DPP10: variants seen among roughly 807,000 people sequenced by gnomAD.
DPP10 encodes the protein inactive dipeptidyl peptidase 10.
DPP10 carries 33 observed loss-of-function variants against 120.9 expected under a neutral mutation model. That is an observed-to-expected ratio of 0.27 (90% CI 0.21 to 0.37). The LOEUF (loss-of-function observed/expected upper bound fraction) is 0.37. Among genes scored for constraint, DPP10 ranks in the 10% least tolerant of loss-of-function variants. The pLI, the probability that DPP10 is intolerant of heterozygous loss-of-function variation, is 1.00. For synonymous variants in DPP10, 337 were observed against 326.1 expected, an observed-to-expected ratio of 1.03 and a Z score of -0.36; for missense variants, 816 against 942.8, an observed-to-expected ratio of 0.87 and a Z score of 1.76.
intron 1 of DPP10, among the ~76,000 whole-genome samples, chr2:115,223,155 G>T (rs2105431696): frequency 6.6e-6 from 1 of 152,060 alleles, no homozygotes; most frequent in African/African-American, 2.4e-5. Context: ...CCAATGTGAA[G>T]GTATTAACAA....
intron 1 of DPP10, among the ~76,000 whole-genome samples, chr2:114,814,379 T>C (rs1210876240): frequency 2.6e-5 from 4 of 151,960 alleles, no homozygotes; most frequent in Non-Finnish European, 5.9e-5. Context: ...CATCTCTTCA[T>C]CTTTCTGGAT....
chr2:114,605,401 A>AAACCTTCATGTTGTTCC (rs1193766988), intron 1 of DPP10, among the ~76,000 whole-genome samples: 2 of 152,106 alleles, frequency 1.3e-5, no homozygotes, highest in Non-Finnish European at 2.9e-5. Context: ...ACAAGAATGA[A>AAACCTTCATGTTGTTCC]AACCTTCATG....
intron 1 of DPP10, among the ~76,000 whole-genome samples, chr2:114,495,792 A>C (rs1682461324): frequency 6.6e-6 from 1 of 152,186 alleles, no homozygotes; most frequent in African/African-American, 2.4e-5. Context: ...GTGTCTAGAT[A>C]GACTAAAGTT....
chr2:115,769,216 C>G (rs1353906777), intron 13 of DPP10, among the ~76,000 whole-genome samples: 1 of 152,010 alleles, frequency 6.6e-6, no homozygotes, highest in Non-Finnish European at 1.5e-5. Flanking sequence ...TGTGGCTAAA[C>G]TGGGATCTTC....
chr2:115,715,293 C>G, intron 7 of DPP10, among the ~76,000 whole-genome samples: 1 of 131,952 alleles, frequency 7.6e-6, no homozygotes, highest in East Asian at 2.5e-4. Context: ...GAGCCGAGAT[C>G]GCGCCAATGC....
chr2:115,331,999 G>T (rs946156062), intron 2 of DPP10, among the ~76,000 whole-genome samples: 2 of 152,138 alleles, frequency 1.3e-5, no homozygotes, highest in Non-Finnish European at 2.9e-5. Context: ...AGAGGGAATG[G>T]TACCAGCTTC....
intron 1 of DPP10, among the ~76,000 whole-genome samples, chr2:114,756,892 G>T (rs1036634143): frequency 6.6e-6 from 1 of 152,062 alleles, no homozygotes; most frequent in Non-Finnish European, 1.5e-5. Context: ...TAGCAAAAGA[G>T]TTAAGGAAGC....
At chr2:115,480,883 C>G (rs1326085628) in intron 3 of DPP10, among the ~76,000 whole-genome samples, 1 of 152,082 alleles carries the variant, frequency 6.6e-6, no homozygotes, top group Non-Finnish European at 1.5e-5. Flanking sequence ...CTTGGAGAAG[C>G]AAAGAAAAGC....
intron 1 of DPP10, among the ~76,000 whole-genome samples, chr2:114,972,536 G>T (rs1699465899): frequency 6.6e-6 from 1 of 151,938 alleles, no homozygotes; most frequent in Non-Finnish European, 1.5e-5. Context: ...CTAGAAACAG[G>T]GTGGATCTCA....
chr2:114,493,316 C>T (rs901817498), intron 1 of DPP10, among the ~76,000 whole-genome samples: 5 of 151,970 alleles, frequency 3.3e-5, no homozygotes, highest in African/African-American at 1.2e-4. Context: ...GGCCAGAGAG[C>T]GGGAAGTGAG....
At chr2:115,275,461 T>C (rs994790983) in intron 1 of DPP10, among the ~76,000 whole-genome samples, 2 of 152,086 alleles carry the variant, frequency 1.3e-5, no homozygotes, top group African/African-American at 4.8e-5. Context: ...CTTTGAGGGG[T>C]AGTATCATTA....
chr2:114,640,880 C>T (rs1468273135), intron 1 of DPP10, among the ~76,000 whole-genome samples: 1 of 151,896 alleles, frequency 6.6e-6, no homozygotes, highest in African/African-American at 2.4e-5. Flanking sequence ...GGAGGTTTCC[C>T]TCGGTCCCAG....
intron 1 of DPP10, among the ~76,000 whole-genome samples, chr2:114,777,037 C>T (rs985572230): frequency 5.9e-5 from 9 of 151,906 alleles, no homozygotes; most frequent in East Asian, 3.9e-4. Flanking sequence ...ATAATATATA[C>T]ATTATATAGT....
At chr2:114,635,507 A>T (rs1365306553) in intron 1 of DPP10, among the ~76,000 whole-genome samples, 1 of 151,970 alleles carries the variant, frequency 6.6e-6, no homozygotes, top group Non-Finnish European at 1.5e-5. Flanking sequence ...ATATGAAGCT[A>T]TATGAGCAAG....
At chr2:115,177,418 C>T (rs1384535221) in intron 1 of DPP10, among the ~76,000 whole-genome samples, 3 of 152,174 alleles carry the variant, frequency 2.0e-5, no homozygotes, top group East Asian at 3.9e-4. Context: ...GTTCGGCAGT[C>T]GGTGCTAACG....
At chr2:114,541,321 C>T (rs370845884) in intron 1 of DPP10, among the ~76,000 whole-genome samples, 6 of 152,150 alleles carry the variant, frequency 3.9e-5, no homozygotes, top group African/African-American at 1.4e-4. Flanking sequence ...GTAGAGTCAG[C>T]GTGATCAACA....
At chr2:115,034,838 T>C (rs1463589201) in intron 1 of DPP10, among the ~76,000 whole-genome samples, 1 of 152,238 alleles carries the variant, frequency 6.6e-6, no homozygotes, top group East Asian at 1.9e-4. Flanking sequence ...GCCACTGCTT[T>C]AGTTCTTTCA....
At chr2:115,677,221 C>A (rs2090333734) in intron 5 of DPP10, among the ~76,000 whole-genome samples, 1 of 152,248 alleles carries the variant, frequency 6.6e-6, no homozygotes, top group Non-Finnish European at 1.5e-5. Flanking sequence ...CATGGGCAAT[C>A]TCTACCATTA....
intron 8 of DPP10, among the ~76,000 whole-genome samples, chr2:115,734,431 G>T (rs10180440): frequency 2.0e-5 from 3 of 151,820 alleles, no homozygotes; most frequent in Non-Finnish European, 2.9e-5. Context: ...CGAGGTGGGC[G>T]GATCAACTGA....
Sources: allele counts gnomAD v4.1 joint callset (sites outside exome capture counted in the v4.1 genomes callset), GRCh38; gene constraint gnomAD v4.1.1; transcripts MANE v1.5; gene names NCBI Gene and HGNC (gene_info 2026-07-23, HGNC 2026-07-21).